KLHDC1: variants seen among roughly 807,000 people sequenced by gnomAD.
KLHDC1 encodes the protein kelch domain-containing protein 1.
Under a neutral mutation model 68.3 loss-of-function variants are expected in KLHDC1, and 53 were observed. That is an observed-to-expected ratio of 0.78 (90% CI 0.62 to 0.98). KLHDC1 has a LOEUF of 0.98. Ranked by LOEUF, KLHDC1 falls within the 50% of genes least tolerant of loss-of-function variation. The pLI, the probability that KLHDC1 is intolerant of heterozygous loss-of-function variation, is 0.00. For missense variants in KLHDC1, 470 were observed against 492.3 expected, an observed-to-expected ratio of 0.95 and a Z score of 0.43; for synonymous variants, 148 against 159.0, an observed-to-expected ratio of 0.93 and a Z score of 0.52.
chr14:49,724,534 TA>T (rs1888616833), intron 5 of KLHDC1, among the ~76,000 whole-genome samples: 1 of 151,996 alleles, frequency 6.6e-6, no homozygotes, highest in Non-Finnish European at 1.5e-5. Context: ...TACATTAGTG[TA>T]AATACATATA....
At chr14:49,746,661 G>A (rs1023458726) in intron 12 of KLHDC1, among the ~76,000 whole-genome samples, 2 of 152,154 alleles carry the variant, frequency 1.3e-5, no homozygotes, top group African/African-American at 4.8e-5. Flanking sequence ...TCACATGCAG[G>A]TGTTGCCATC....
In KLHDC1 at chr14:49,714,284, C is replaced by A. The variant is rs192232904; in HGVS notation, c.404+3903C>A. ...GTCAGAAGTTCGAGACCAGCCTGGC[C>A]AGCATAGTGAAACCCTGTCTCTACT... On this transcript the variant is annotated intron_variant, in intron 4 of 12. Transcript: ENST00000359332. Among the ~76,000 whole-genome samples the A allele has an allele frequency of 5.3e-4, 80 of 150,706 alleles. 1 individual carries two copies. In the East Asian group the frequency reaches 0.014, roughly 26 times the overall value.
At chr14:49,693,757 T>G (rs1391375168) in intron 1 of KLHDC1, among the ~76,000 whole-genome samples, 1 of 72,608 alleles carries the variant, frequency 1.4e-5, no homozygotes, top group Admixed American at 1.2e-4. Context: ...TCTTTTTTTT[T>G]TTTTTTTGAG....
chr14:49,699,281 A>G (rs1887833224), intron 1 of KLHDC1, among the ~76,000 whole-genome samples: 1 of 152,122 alleles, frequency 6.6e-6, no homozygotes, highest in Admixed American at 6.5e-5. Flanking sequence ...ACTCTGGAAA[A>G]TACAACACAG....
chr14:49,747,997 C>G (rs575405126), intron 12 of KLHDC1, among the ~76,000 whole-genome samples: 1 of 151,398 alleles, frequency 6.6e-6, no homozygotes, highest in South Asian at 2.1e-4. Context: ...AAAGTTAAAA[C>G]TGGAAGGGTC....
intron 4 of KLHDC1, among the ~76,000 whole-genome samples, chr14:49,718,586 T>G (rs991882011): frequency 6.6e-6 from 1 of 152,046 alleles, no homozygotes; most frequent in Non-Finnish European, 1.5e-5. Flanking sequence ...TAGCATAGTA[T>G]TCTTTTGTCA....
At chr14:49,730,791 G>A (rs1269721826) in intron 8 of KLHDC1, among the ~76,000 whole-genome samples, 1 of 151,762 alleles carries the variant, frequency 6.6e-6, no homozygotes, top group African/African-American at 2.4e-5. Flanking sequence ...TGGCCAACAT[G>A]GTGAAACCCC....
rs763368095 is a variant in KLHDC1, at chr14:49,751,749, T to C, written c.1198T>C (p.Tyr400His). 5.1e-6 allele frequency: 8 copies of C among 1,577,088 alleles called. No homozygotes were observed. The highest frequency in any genetic ancestry group is 6.1e-6 in the Non-Finnish European group (7 of 1,156,788). ...RVQKEETENK[Y>H]QWISSN ...CCAAAAAGAAGAAACAGAAAATAAA[T>C]ATCAGTGGATCAGTAGCAATTAAAT... Residue 400 changes from tyrosine (Y) to histidine (H), a missense_variant, in exon 13 of 13, where the codon TAT becomes CAT. Coordinates refer to ENST00000359332, the MANE Select transcript of KLHDC1 (RefSeq NM_172193.3).
At chr14:49,730,346 G>A (rs1286250424) in intron 8 of KLHDC1, among the ~76,000 whole-genome samples, 2 of 149,010 alleles carry the variant, frequency 1.3e-5, no homozygotes, top group Non-Finnish European at 3.0e-5. Context: ...CTCAGCCTCC[G>A]GAGTAGCTGG....
intron 1 of KLHDC1, among the ~76,000 whole-genome samples, chr14:49,702,926 G>A (rs1365809218): frequency 3.9e-5 from 6 of 152,196 alleles, no homozygotes; most frequent in Non-Finnish European, 8.8e-5. Flanking sequence ...GTGTGCACCA[G>A]TGACCACAGA....
chr14:49,738,876 G>A (rs911274469), intron 10 of KLHDC1, among the ~76,000 whole-genome samples: 2 of 152,214 alleles, frequency 1.3e-5, no homozygotes. Context: ...CCAACGTGAT[G>A]TCACTGCACG....
At position 49,710,276 on chromosome 14, in the gene KLHDC1, A is replaced by G; in HGVS notation, c.299A>G (p.Asn100Ser). Residue 100 changes from asparagine to serine, a missense_variant, in exon 4 of 13, where the codon AAT becomes AGT. Asn to Ser is a conservative substitution (Grantham distance 46). Transcript: ENST00000359332. Reference sequence around the variant, plus strand: ...CATCTTTTAAAGCTTTATTTTGTTAATTTACGAACAAGAGATGAAACCTAC... The same window carrying G: ...CATCTTTTAAAGCTTTATTTTGTTAGTTTACGAACAAGAGATGAAACCTAC... Reference protein sequence around the residue: ...KGYSNRLYFVNLRTRDETYIW... With the variant: ...KGYSNRLYFVSLRTRDETYIW... 6.3e-7 allele frequency: 1 copy of G among 1,591,276 alleles called. No homozygotes were observed. The highest frequency in any genetic ancestry group is 8.6e-7 in the Non-Finnish European group (1 of 1,159,806).
chr14:49,743,270 G>A (rs1415255669), intron 11 of KLHDC1, among the ~76,000 whole-genome samples: 1 of 150,624 alleles, frequency 6.6e-6, no homozygotes, highest in East Asian at 1.9e-4. Context: ...CATGGTAGTG[G>A]GCGCCTGTAA....
chr14:49,740,076 T>A (rs1778197831), intron 10 of KLHDC1, 22 bp from the exon 11 acceptor site: 2 of 1,423,260 alleles, frequency 1.4e-6, no homozygotes, highest in Non-Finnish European at 2.0e-6. Context: ...TGTTTCACTC[T>A]GTTTATAATT....
chr14:49,743,176 C>A (rs550997219), intron 11 of KLHDC1, among the ~76,000 whole-genome samples: 1 of 150,856 alleles, frequency 6.6e-6, no homozygotes, highest in Admixed American at 6.6e-5. Context: ...GCAGGTGGAT[C>A]ACCTGAGGTC....
rs35067251 is a variant in KLHDC1 at position 49,704,387 on chromosome 14, G to GTTTTTTTTTTTTTTT, written c.97-4762_97-4748dup. ...GTCTTTTTATTTTTTTTCCTTTTCT[G>GTTTTTTTTTTTTTTT]TTTTTTTTTTTTTTTTTTTTTTTTG... On this transcript the variant is annotated intron_variant, in intron 1 of 12. Transcript: ENST00000359332. 1.5e-4 allele frequency among the ~76,000 whole-genome samples: 10 copies of GTTTTTTTTTTTTTTT among 68,690 alleles called. 1 individual carries two copies. The highest frequency in any genetic ancestry group is 4.6e-4 in the East Asian group (1 of 2,184). 45.1% of individuals were successfully genotyped at this position (68,690 alleles called of 152,430 possible). A position where few individuals can be genotyped will look rare whatever the true frequency, so the allele number is the denominator to read the frequency against.
At chr14:49,747,486 G>A (rs1283021308) in intron 12 of KLHDC1, among the ~76,000 whole-genome samples, 1 of 152,174 alleles carries the variant, frequency 6.6e-6, no homozygotes, top group Non-Finnish European at 1.5e-5. Flanking sequence ...GTCTTGAGAA[G>A]GTGATTTTAG....
In KLHDC1 at chr14:49,723,882, A is replaced by G. The variant is rs1888600303; in HGVS notation, c.413A>G (p.Tyr138Cys). 1 of 1,581,240 alleles carries G rather than the reference A, an allele frequency of 6.3e-7. No individual in the cohort carries two copies. The highest frequency in any genetic ancestry group is 1.4e-5 in the African/African-American group (1 of 74,056). Residue 138 changes from tyrosine (Y) to cysteine (C), a missense_variant, in exon 5 of 13, where the codon TAT becomes TGT. Tyr to Cys is a radical substitution (Grantham distance 194). Transcript: ENST00000359332. ...SCWVYKDRLI[Y>C]FGGYGCRRHS... ...TCGTATTTGTTTTTCAGACTAATAT[A>G]TTTTGGTGGTTATGGGTGTAGGAGA...
At chr14:49,732,082 A>C (rs886788637) in intron 8 of KLHDC1, among the ~76,000 whole-genome samples, 34 of 152,236 alleles carry the variant, frequency 2.2e-4, no homozygotes, top group African/African-American at 7.7e-4. Context: ...AGTTACAGAC[A>C]TGAAAAAAAT....
Sources: allele counts gnomAD v4.1 joint callset (sites outside exome capture counted in the v4.1 genomes callset), GRCh38; gene constraint gnomAD v4.1.1; transcripts MANE v1.5; gene names NCBI Gene and HGNC (gene_info 2026-07-23, HGNC 2026-07-21).